Variants in GALNTL6 observed in about 807,000 individuals in gnomAD.
GALNTL6 encodes the protein polypeptide N-acetylgalactosaminyltransferase like 6.
GALNTL6 carries 46 observed loss-of-function variants against 73.7 expected under a neutral mutation model. That is an observed-to-expected ratio of 0.62 (90% CI 0.49 to 0.80). GALNTL6 has a LOEUF of 0.80. Ranked by LOEUF, GALNTL6 falls within the 30% of genes least tolerant of loss-of-function variation. The probability of loss-of-function intolerance (pLI) is 0.00; values close to 1 mark genes in which losing one functional copy is unlikely to be tolerated. For missense variants in GALNTL6, 604 were observed against 755.0 expected (o/e 0.80, Z 2.34); for synonymous variants, 259 against 263.7 (o/e 0.98, Z 0.17).
intron 2 of GALNTL6, among the ~76,000 whole-genome samples, chr4:171,939,841 A>G (rs1208659569): frequency 1.3e-5 from 2 of 152,242 alleles, no homozygotes; most frequent in Non-Finnish European, 2.9e-5. Flanking sequence ...AAAAATCTAA[A>G]TGGGATACAA....
At chr4:172,834,903 G>A (rs1211468210) in intron 7 of GALNTL6, among the ~76,000 whole-genome samples, 1 of 152,232 alleles carries the variant, frequency 6.6e-6, no homozygotes, top group Admixed American at 6.5e-5. Context: ...TGTGTTGAGG[G>A]TGACAGAAAG....
chr4:172,824,396 T>TG (rs1560976878), intron 7 of GALNTL6, among the ~76,000 whole-genome samples: 11 of 83,658 alleles, frequency 1.3e-4, no homozygotes, highest in African/African-American at 1.2e-3. Context: ...GTGTGTGTGT[T>TG]TGTGTGTGTG....
chr4:171,930,962 A>G (rs559299798), intron 2 of GALNTL6, among the ~76,000 whole-genome samples: 1 of 152,338 alleles, frequency 6.6e-6, no homozygotes, highest in South Asian at 2.1e-4. Flanking sequence ...CAAGTCATCC[A>G]AATTGGATGT....
At chr4:172,515,021 A>G (rs1279569598) in intron 5 of GALNTL6, among the ~76,000 whole-genome samples, 1 of 152,136 alleles carries the variant, frequency 6.6e-6, no homozygotes, top group African/African-American at 2.4e-5. Context: ...TTTTCCTAGT[A>G]TGTCCCTCTG....
chr4:172,208,772 A>G (rs1011564688), intron 2 of GALNTL6, among the ~76,000 whole-genome samples: 11 of 152,196 alleles, frequency 7.2e-5, no homozygotes, highest in Non-Finnish European at 1.6e-4. Flanking sequence ...CTACCTGAAC[A>G]TTACAAGTGA....
chr4:172,971,272 G>T (rs974917951), intron 10 of GALNTL6, among the ~76,000 whole-genome samples: 1 of 152,206 alleles, frequency 6.6e-6, no homozygotes, highest in Middle Eastern at 3.2e-3. Flanking sequence ...ATTATAGTCT[G>T]TGATATTCTG....
intron 2 of GALNTL6, among the ~76,000 whole-genome samples, chr4:172,063,597 A>C (rs1731271541): frequency 6.6e-6 from 1 of 152,126 alleles, no homozygotes; most frequent in Non-Finnish European, 1.5e-5. Flanking sequence ...TATTAAAGAC[A>C]ATTGTTTATT....
At chr4:172,706,667 T>C (rs1734374953) in intron 5 of GALNTL6, among the ~76,000 whole-genome samples, 2 of 152,164 alleles carry the variant, frequency 1.3e-5, no homozygotes, top group Admixed American at 6.5e-5. Context: ...TTAGGTGGTT[T>C]CCTAAGCCCA....
At chr4:172,679,932 CTT>C (rs10709350) in intron 5 of GALNTL6, among the ~76,000 whole-genome samples, 3 of 150,648 alleles carry the variant, frequency 2.0e-5, no homozygotes, top group Middle Eastern at 3.4e-3. Flanking sequence ...CCTATGATTA[CTT>C]TTTTTTTTCA....
chr4:172,321,511 G>A (rs1740755054), intron 4 of GALNTL6, among the ~76,000 whole-genome samples: 1 of 151,906 alleles, frequency 6.6e-6, no homozygotes, highest in African/African-American at 2.4e-5. Flanking sequence ...CTTCAAACTA[G>A]CCATCATCAA....
intron 7 of GALNTL6, among the ~76,000 whole-genome samples, chr4:172,820,759 T>C (rs1028381023): frequency 6.6e-5 from 10 of 152,196 alleles, no homozygotes; most frequent in Admixed American, 2.0e-4. Context: ...CTCCATGCAA[T>C]TGCTACAAAT....
intron 2 of GALNTL6, among the ~76,000 whole-genome samples, chr4:172,008,915 A>C (rs1740917562): frequency 6.6e-6 from 1 of 152,084 alleles, no homozygotes; most frequent in Non-Finnish European, 1.5e-5. Flanking sequence ...AATTTTAAAA[A>C]GAAACAAAAA....
intron 11 of GALNTL6, among the ~76,000 whole-genome samples, chr4:173,016,998 T>A (rs942727179): frequency 6.6e-6 from 1 of 152,130 alleles, no homozygotes. Flanking sequence ...TCTGATGGCT[T>A]TATAAGGGGC....
chr4:172,050,460 A>C (rs1730818656), intron 2 of GALNTL6, among the ~76,000 whole-genome samples: 1 of 152,144 alleles, frequency 6.6e-6, no homozygotes. Context: ...GCTTTGTTTA[A>C]AAATTTGGGG....
chr4:172,082,639 A>G (rs764014763), intron 2 of GALNTL6, among the ~76,000 whole-genome samples: 13 of 152,218 alleles, frequency 8.5e-5, no homozygotes, highest in Non-Finnish European at 1.6e-4. Flanking sequence ...AAAAAATGGT[A>G]TAAGAACCAG....
chr4:171,832,530 T>C (rs945625205), intron 2 of GALNTL6, among the ~76,000 whole-genome samples: 2 of 151,542 alleles, frequency 1.3e-5, no homozygotes, highest in Non-Finnish European at 3.0e-5. Flanking sequence ...CTATATCTAC[T>C]TATATAATTT....
intron 2 of GALNTL6, among the ~76,000 whole-genome samples, chr4:172,072,571 T>A (rs1322193339): frequency 3.3e-5 from 5 of 152,266 alleles, no homozygotes; most frequent in Non-Finnish European, 7.4e-5. Context: ...ACTATTCAGA[T>A]CTACCTCACA....
chr4:172,563,783 T>C (rs1439051729), intron 5 of GALNTL6, among the ~76,000 whole-genome samples: 8 of 152,216 alleles, frequency 5.3e-5, no homozygotes, highest in Non-Finnish European at 2.9e-5. Flanking sequence ...CAGGTGAGGT[T>C]AATGGAATAA....
At chr4:172,346,416 C>T (rs1741741476) in intron 4 of GALNTL6, among the ~76,000 whole-genome samples, 2 of 152,184 alleles carry the variant, frequency 1.3e-5, no homozygotes, top group South Asian at 2.1e-4. Context: ...ATGTCCAAAA[C>T]GTAAGAGTCC....
Sources: gnomAD v4.1 joint callset for allele counts (sites outside exome capture counted in the v4.1 genomes callset) on GRCh38, gnomAD v4.1.1 for gene constraint, MANE v1.5 for transcripts, NCBI Gene and HGNC (gene_info 2026-07-23, HGNC 2026-07-21) for gene names.